CUL7: variants seen among roughly 807,000 people sequenced by gnomAD.
CUL7 encodes cullin-7.
Under a neutral mutation model 177.7 loss-of-function variants are expected in CUL7, and 96 were observed. The observed-to-expected ratio is 0.54, with a 90% CI of 0.46 to 0.64. CUL7 has a LOEUF of 0.64. Ranked by LOEUF, CUL7 falls within the 30% of genes least tolerant of loss-of-function variation. The pLI, the probability that CUL7 is intolerant of heterozygous loss-of-function variation, is 0.00. For missense variants in CUL7, 1,893 were observed against 2,187.9 expected (o/e 0.87, Z 2.69); for synonymous variants, 824 against 890.2 (o/e 0.93, Z 1.32).
In CUL7 at chr6:43,052,897, A is replaced by G; in HGVS notation, c.-8-101T>C. The G allele has an allele frequency of 5.4e-6, 7 of 1,299,186 alleles. No individual in the cohort carries two copies. The Admixed American group carries it at 1.4e-4, about 26-fold the overall frequency. 80.5% of individuals were successfully genotyped at this position (1,299,186 alleles called of 1,614,324 possible). A position where few individuals can be genotyped will look rare whatever the true frequency, so the allele number is the denominator to read the frequency against. The stretch of plus-strand genomic sequence containing the variant: ...GGGGAAGCAAATGGCAACAGCTGTC[A>G]GGCGGGGTGGGGTAAAGCCAGGCCC... On this transcript the variant is annotated intron_variant, in intron 1 of 25. Coordinates refer to ENST00000265348, the MANE Select transcript of CUL7 (RefSeq NM_014780.5). The surrounding 1 kb of genome is among the most constrained non-coding windows in gnomAD (Gnocchi z 4.5).
rs1764486029 is a variant in CUL7 at position 43,052,340 on chromosome 6, A to G, written c.449T>C (p.Ile150Thr). ...CTTGAATACTCCAGTGAGGGGCTCA[A>G]TGCTGGCATAGGCGCTGAGCACGTG... ...TVHVLSAYAS[I>T]EPLTGVFKDP... Residue 150 changes from isoleucine to threonine, a missense_variant, in exon 2 of 26, where the codon ATT becomes ACT. By Grantham distance (89) the Ile-to-Thr change is moderately conservative. Coordinates refer to ENST00000265348, the MANE Select transcript of CUL7 (RefSeq NM_014780.5). This position sits in a 1 kb window ranked among gnomAD's most constrained non-coding sequence, Gnocchi z 4.5. The G allele has an allele frequency of 2.5e-6, 4 of 1,614,206 alleles. No homozygotes were observed. The highest frequency in any genetic ancestry group is 1.1e-5 in the South Asian group (1 of 91,088).
chr6:43,043,662 G>C lies in CUL7; in HGVS notation c.3173-32C>G, dbSNP rs1476398156. On this transcript the variant is annotated intron_variant, in intron 16 of 25. Transcript: ENST00000265348. The surrounding 1 kb of genome is among the most constrained non-coding windows in gnomAD (Gnocchi z 4.2). ...GGTGAGATAAACAAACCAAGGCACA[G>C]CCATGTCTGCAGGGAAGTGGGAGTG... 4 of 1,459,204 alleles carry C rather than the reference G, an allele frequency of 2.7e-6. No homozygotes were observed. The highest frequency in any genetic ancestry group is 2.8e-6 in the Non-Finnish European group (3 of 1,055,266). 90.4% of individuals were successfully genotyped at this position (1,459,204 alleles called of 1,614,324 possible).
At chr6:43,042,404 G>A (rs1006691811) in intron 19 of CUL7, among the ~76,000 whole-genome samples, 2 of 151,696 alleles carry the variant, frequency 1.3e-5, no homozygotes, top group African/African-American at 2.4e-5. Flanking sequence ...GTGCAATCTC[G>A]GCTGACTGCA....
chr6:43,046,780 C>T (rs1030500197), intron 10 of CUL7, 100 bp downstream of exon 10: 2 of 1,217,422 alleles, frequency 1.6e-6, no homozygotes, highest in South Asian at 1.2e-5. Context: ...ACTAGAGTCA[C>T]CTGCTGTTCC....
Position 43,039,785 on chromosome 6 carries a change from G to T in CUL7, c.4294+371C>A, listed in dbSNP as rs190629329. Reference sequence around the variant, plus strand: ...GAGATGGAGTCTCGCTGTCGCCCAGGCTAGAGTGCAGTGGCACGATCTCGG... The same window carrying T: ...GAGATGGAGTCTCGCTGTCGCCCAGTCTAGAGTGCAGTGGCACGATCTCGG... On this transcript the variant is annotated intron_variant, in intron 22 of 25. Coordinates refer to ENST00000265348, the MANE Select transcript of CUL7 (RefSeq NM_014780.5). Among the ~76,000 whole-genome samples, 197 of 144,524 alleles carry T rather than the reference G, an allele frequency of 1.4e-3. 2 individuals carry two copies. Among genetic ancestry groups the T allele is most frequent in the Admixed American group, 0.013 (183 of 14,036 alleles). 94.8% of individuals were successfully genotyped at this position (144,524 alleles called of 152,430 possible). A position where few individuals can be genotyped will look rare whatever the true frequency, so the allele number is the denominator to read the frequency against.
chr6:43,037,692 C>T lies in CUL7; in HGVS notation c.5093G>A (p.Arg1698Gln), dbSNP rs541161018. The T allele has an allele frequency of 7.5e-5, 116 of 1,553,764 alleles. No homozygotes were observed. The East Asian group carries it at 1.9e-3, about 25-fold the overall frequency. Residue 1698 changes from arginine (R) to glutamine (Q), a missense_variant, in exon 26 of 26, where the codon CGG (arginine) becomes CAG (glutamine). Arg to Gln is a conservative substitution (Grantham distance 43). Coordinates refer to ENST00000265348, the MANE Select transcript of CUL7 (RefSeq NM_014780.5). Reference protein sequence around the residue: ...CTATQSFSTFR With the variant: ...CTATQSFSTFQ ...CCCCTGACCCCAAGTCTAGGGCTAC[C>T]GGAAGGTAGAGAAGCTCTGGGTGGC...
Position 43,052,322 on chromosome 6 carries a change from A to G in CUL7, c.467T>C (p.Val156Ala). The G allele has an allele frequency of 6.2e-7, 1 of 1,614,116 alleles. No homozygotes were observed. Among genetic ancestry groups the G allele is most frequent in the Non-Finnish European group, 8.5e-7 (1 of 1,180,012 alleles). Residue 156 changes from valine to alanine, a missense_variant, in exon 2 of 26, where the codon GTA becomes GCA. Coordinates refer to ENST00000265348, the MANE Select transcript of CUL7 (RefSeq NM_014780.5). This position sits in a 1 kb window ranked among gnomAD's most constrained non-coding sequence, Gnocchi z 4.5. ...AYASIEPLTG[V>A]FKDPRVLDLL... ...GTCCAGGACCCTTGGGTCCTTGAAT[A>G]CTCCAGTGAGGGGCTCAATGCTGGC...
In CUL7 at chr6:43,051,772, C is replaced by T. The variant is rs1264404381; in HGVS notation, c.581-9G>A. 1.2e-6 allele frequency: 2 copies of T among 1,613,982 alleles called. No individual in the cohort carries two copies. The highest frequency in any genetic ancestry group is 1.7e-6 in the Non-Finnish European group (2 of 1,180,008). On this transcript the variant is annotated splice_polypyrimidine_tract_variant and intron_variant, in intron 2 of 25. Coordinates refer to ENST00000265348, the MANE Select transcript of CUL7 (RefSeq NM_014780.5). This position sits in a 1 kb window ranked among gnomAD's most constrained non-coding sequence, Gnocchi z 5.0. ...GATCTGAGTCCGGGTCCCTGTAACC[C>T]ACACCCCAGTTGGTAACTTCTCCCT...
chr6:43,040,622 A>T lies in CUL7; in HGVS notation c.3931T>A (p.Ser1311Thr). The change falls in exon 21 of 26, where the codon TCT becomes ACT. Residue 1311 changes from serine to threonine, a missense_variant. Around this residue, in one of 5 missense-constraint regions of CUL7, gnomAD observed 973 missense variants for 1,140.9 expected, o/e 0.85. Coordinates refer to ENST00000265348, the MANE Select transcript of CUL7 (RefSeq NM_014780.5). The surrounding 1 kb of genome is among the most constrained non-coding windows in gnomAD (Gnocchi z 4.2). ...PQQMLQSLST[S>T]KELQRQFHVY... Reference sequence around the variant, plus strand: ...TGGAACTGGCGCTGCAGCTCCTTAGAGGTGCTCAGGCTCTGCAACATCTGC... The same window carrying T: ...TGGAACTGGCGCTGCAGCTCCTTAGTGGTGCTCAGGCTCTGCAACATCTGC... The T allele has an allele frequency of 6.2e-7, 1 of 1,614,172 alleles. No homozygotes were observed. The highest frequency in any genetic ancestry group is 8.5e-7 in the Non-Finnish European group (1 of 1,180,018).
chr6:43,049,419 C>T lies in CUL7; in HGVS notation c.1813G>A (p.Ala605Thr), dbSNP rs777513318. The T allele has an allele frequency of 2.8e-5, 46 of 1,614,098 alleles. No individual in the cohort carries two copies. The highest frequency in any genetic ancestry group is 3.4e-5 in the Non-Finnish European group (40 of 1,180,054). Residue 605 changes from alanine (A) to threonine (T), a missense_variant, in exon 7 of 26, where the codon GCC (alanine) becomes ACC (threonine). By Grantham distance (58) the Ala-to-Thr change is moderately conservative (BLOSUM62 0). This residue lies in a region of CUL7 where 973 missense variants were observed against 1,140.9 expected (regional missense o/e 0.85). Coordinates refer to ENST00000265348, the MANE Select transcript of CUL7 (RefSeq NM_014780.5). ...GTCTGGCACCCACCTTCCACTTTGG[C>T]TGCATCTTCTGAGTCCTTAGCCTGG... ...QAQAKDSEDA[A>T]KVEAKEPPSQ...
Position 43,053,579 on chromosome 6 carries a change from G to T in CUL7, c.-9+43C>A. 1.6e-6 allele frequency: 2 copies of T among 1,268,690 alleles called. No homozygotes were observed. Among genetic ancestry groups the T allele is most frequent in the Non-Finnish European group, 2.0e-6 (2 of 981,476 alleles). 78.6% of individuals were successfully genotyped at this position (1,268,690 alleles called of 1,614,324 possible). A position where few individuals can be genotyped will look rare whatever the true frequency, so the allele number is the denominator to read the frequency against. On this transcript the variant is annotated intron_variant, in intron 1 of 25. Transcript: ENST00000265348. The surrounding 1 kb of genome is among the most constrained non-coding windows in gnomAD (Gnocchi z 4.1). ...AGCGCGAGGCTCGATGGGCTAGTGG[G>T]CAGGGAAGGAGAAGCAAGGGGCCGC...
chr6:43,044,785 C>T lies in CUL7; in HGVS notation c.3139G>A (p.Val1047Ile), dbSNP rs1763747244. 6.2e-7 allele frequency: 1 copy of T among 1,613,076 alleles called. No individual in the cohort carries two copies. Among genetic ancestry groups the T allele is most frequent in the African/African-American group, 1.3e-5 (1 of 74,876 alleles). The change falls in exon 16 of 26, where the codon GTC (valine) becomes ATC (isoleucine). Residue 1047 changes from valine (V) to isoleucine (I), a missense_variant. Val to Ile is a conservative substitution (Grantham distance 29). Transcript: ENST00000265348. Reference sequence around the variant, plus strand: ...GTGATGTTCTGCACCACGGGGCTGACCAGGGCCTCCCAGCAGGTCTTGCCC... The same window carrying T: ...GTGATGTTCTGCACCACGGGGCTGATCAGGGCCTCCCAGCAGGTCTTGCCC... Reference protein sequence around the residue: ...ALGKTCWEALVSPVVQNITSP... With the variant: ...ALGKTCWEALISPVVQNITSP...
At position 43,050,209 on chromosome 6, in the gene CUL7, G is replaced by T. The variant is rs1396653051; in HGVS notation, c.1373-50C>A. On this transcript the variant is annotated intron_variant, in intron 5 of 25. Transcript: ENST00000265348. This position sits in a 1 kb window ranked among gnomAD's most constrained non-coding sequence, Gnocchi z 4.1. ...AAGGATGTCACTAGCAACTCAGCAGGACCACCATTCCTCTGCTCAGAGCTG... is the reference window on the plus strand; with the variant it reads ...AAGGATGTCACTAGCAACTCAGCAGTACCACCATTCCTCTGCTCAGAGCTG... 1.2e-6 allele frequency: 2 copies of T among 1,614,124 alleles called. No individual in the cohort carries two copies. The highest frequency in any genetic ancestry group is 8.5e-7 in the Non-Finnish European group (1 of 1,180,022).
chr6:43,050,173 C>T lies in CUL7; in HGVS notation c.1373-14G>A. On this transcript the variant is annotated splice_polypyrimidine_tract_variant and intron_variant, in intron 5 of 25. Transcript: ENST00000265348. The surrounding 1 kb of genome is among the most constrained non-coding windows in gnomAD (Gnocchi z 4.1). ...AGGCAGGCAGGGCTGTGAAAATGGG[C>T]CAAGGGGCACAAGGATGTCACTAGC... The T allele has an allele frequency of 6.2e-7, 1 of 1,614,196 alleles. No individual in the cohort carries two copies. Among genetic ancestry groups the T allele is most frequent in the Non-Finnish European group, 8.5e-7 (1 of 1,180,032 alleles).
At chr6:43,047,595 T>G (rs1226905039) in intron 9 of CUL7, among the ~76,000 whole-genome samples, 2 of 152,300 alleles carry the variant, frequency 1.3e-5, no homozygotes, top group East Asian at 3.9e-4. Context: ...ACTGTCACCA[T>G]GACCCTAGTT....
chr6:43,052,133 G>A lies in CUL7; in HGVS notation c.580+76C>T. 6.3e-7 allele frequency: 1 copy of A among 1,587,018 alleles called. No homozygotes were observed. Among genetic ancestry groups the A allele is most frequent in the Non-Finnish European group, 8.6e-7 (1 of 1,166,582 alleles). On this transcript the variant is annotated intron_variant, in intron 2 of 25. Coordinates refer to ENST00000265348, the MANE Select transcript of CUL7 (RefSeq NM_014780.5). This position sits in a 1 kb window ranked among gnomAD's most constrained non-coding sequence, Gnocchi z 4.5. Reference sequence around the variant, plus strand: ...CGTACTGATGAGATCAGAGGCTCCTGCCACAGTGTCCTGTGAGTCCCTGAG... The same window carrying A: ...CGTACTGATGAGATCAGAGGCTCCTACCACAGTGTCCTGTGAGTCCCTGAG...
At position 43,046,885 on chromosome 6, in the gene CUL7, TG is replaced by T. The variant is rs1393741038; in HGVS notation, c.2391del (p.Cys797Ter). The T allele has an allele frequency of 6.3e-7, 1 of 1,589,270 alleles. No homozygotes were observed. On this transcript the variant is annotated frameshift_variant, in exon 10 of 26. Coordinates refer to ENST00000265348, the MANE Select transcript of CUL7 (RefSeq NM_014780.5). LOFTEE classifies it high-confidence loss of function. Reference sequence around the variant, plus strand: ...AAGCTCCCCTTCCTCCTGACCTGGATGCAGCCTCCCAGGATGTTGGTGATGA... The same window carrying T: ...AAGCTCCCCTTCCTCCTGACCTGGATCAGCCTCCCAGGATGTTGGTGATGA... ...RKLITNILGG[C>X]IQMVLGQIED...
chr6:43,044,370 A>C (rs2150318987), intron 16 of CUL7, among the ~76,000 whole-genome samples: 1 of 152,222 alleles, frequency 6.6e-6, no homozygotes, highest in Middle Eastern at 3.4e-3. Context: ...ATGGTGGTGC[A>C]TGCCTGTAAT....
Position 43,052,032 on chromosome 6 carries a change from C to T in CUL7, c.580+177G>A. On this transcript the variant is annotated intron_variant, in intron 2 of 25. Coordinates refer to ENST00000265348, the MANE Select transcript of CUL7 (RefSeq NM_014780.5). The surrounding 1 kb of genome is among the most constrained non-coding windows in gnomAD (Gnocchi z 4.5). ...TTGAAGATAGTCTTTCCTCTTTTGG[C>T]AGATAACCCCCACCCTCACTCCCAT... 8.4e-7 allele frequency: 1 copy of T among 1,194,690 alleles called. No homozygotes were observed. The highest frequency in any genetic ancestry group is 1.2e-6 in the Non-Finnish European group (1 of 863,874). 74.0% of individuals were successfully genotyped at this position (1,194,690 alleles called of 1,614,324 possible). A position where few individuals can be genotyped will look rare whatever the true frequency, so the allele number is the denominator to read the frequency against.
Sources: gnomAD v4.1 joint callset for allele counts (sites outside exome capture counted in the v4.1 genomes callset) on GRCh38, gnomAD v4.1.1 for gene constraint, gnomAD v4.1.1 regional missense constraint, Gnocchi (gnomAD v3.1) non-coding constraint, MANE v1.5 for transcripts, NCBI Gene and HGNC (gene_info 2026-07-23, HGNC 2026-07-21) for gene names.